JARID2: variants seen among roughly 807,000 people sequenced by gnomAD.
JARID2 encodes the protein jumonji and AT-rich interaction domain containing 2, also known as protein Jumonji.
Under a neutral mutation model 125.6 loss-of-function variants are expected in JARID2, and 21 were observed. The ratio of observed to expected loss-of-function variants is 0.17; its 90% CI spans 0.12 to 0.24. The LOEUF (loss-of-function observed/expected upper bound fraction) is 0.24. JARID2 is among the 10% of genes least tolerant of loss of function. JARID2 has a pLI of 1.00. For synonymous variants in JARID2, 736 were observed against 661.6 expected (o/e 1.11, Z -1.73); for missense variants, 1,303 against 1,639.6 (o/e 0.79, Z 3.55).
intron 4 of JARID2, 27 bp from the exon 5 acceptor site, chr6:15,468,515 T>C: frequency 6.2e-7 from 1 of 1,601,614 alleles, no homozygotes; most frequent in South Asian, 1.1e-5. Flanking sequence ...GGCCTGTGTT[T>C]ATGAGCTGTT....
chr6:15,250,147 G>A (rs2127291766), intron 1 of JARID2, among the ~76,000 whole-genome samples: 1 of 152,240 alleles, frequency 6.6e-6, no homozygotes, highest in East Asian at 1.9e-4. Flanking sequence ...AGCAGAATTT[G>A]TACCACTAGG....
chr6:15,287,321 A>C (rs1761041800), intron 1 of JARID2, among the ~76,000 whole-genome samples: 1 of 152,214 alleles, frequency 6.6e-6, no homozygotes, highest in South Asian at 2.1e-4. Context: ...GACCCATGAC[A>C]TTGAAATATA....
At chr6:15,419,924 A>G (rs914067238) in intron 3 of JARID2, among the ~76,000 whole-genome samples, 3 of 152,166 alleles carry the variant, frequency 2.0e-5, no homozygotes, top group Non-Finnish European at 4.4e-5. Context: ...TAGAGCCATT[A>G]TTATTTCAAA....
intron 3 of JARID2, among the ~76,000 whole-genome samples, chr6:15,416,242 G>C (rs887497071): frequency 1.3e-5 from 2 of 151,932 alleles, no homozygotes; most frequent in Non-Finnish European, 2.9e-5. Context: ...TGTCCCAGAC[G>C]ATGGGCGGCC....
chr6:15,258,655 G>A (rs1034323145), intron 1 of JARID2, among the ~76,000 whole-genome samples: 6 of 152,232 alleles, frequency 3.9e-5, no homozygotes, highest in East Asian at 3.9e-4. Context: ...GGTGGCAAGC[G>A]CCTGTAATCC....
intron 2 of JARID2, among the ~76,000 whole-genome samples, chr6:15,386,461 T>C (rs1423516701): frequency 6.6e-6 from 1 of 152,196 alleles, no homozygotes; most frequent in African/African-American, 2.4e-5. Context: ...AAAAGGTTCC[T>C]CCTTCTCCCT....
chr6:15,494,292 C>G (rs1770295887), intron 6 of JARID2, among the ~76,000 whole-genome samples: 1 of 152,132 alleles, frequency 6.6e-6, no homozygotes, highest in East Asian at 1.9e-4. Context: ...TAGAAATGCA[C>G]ATTCTCAGTC....
intron 5 of JARID2, among the ~76,000 whole-genome samples, chr6:15,485,392 G>A (rs1192894570): frequency 6.6e-6 from 1 of 152,208 alleles, no homozygotes; most frequent in Non-Finnish European, 1.5e-5. Context: ...TTGAAAGCAT[G>A]GGTGGTGGAA....
At position 15,496,783 on chromosome 6, in the gene JARID2, G is replaced by A. The variant is rs200722144; in HGVS notation, c.1558G>A (p.Ala520Thr). The A allele has an allele frequency of 6.3e-5, 102 of 1,612,002 alleles. No individual in the cohort carries two copies. In the East Asian group the frequency reaches 1.9e-3, roughly 30 times the overall value. Residue 520 changes from alanine to threonine, a missense_variant, in exon 7 of 18, where the codon GCC becomes ACC. By Grantham distance (58) the Ala-to-Thr change is moderately conservative. Coordinates refer to ENST00000341776, the MANE Select transcript of JARID2 (RefSeq NM_004973.4). ...GRQAHGKADS[A>T]SCENRSTSQP... is the part of the protein sequence containing the mutation. ...ACAAGCACATGGCAAGGCGGACAGC[G>A]CCTCCTGTGAAAATCGTTCTACCTC...
At chr6:15,489,856 C>G (rs953328158) in intron 6 of JARID2, among the ~76,000 whole-genome samples, 3 of 152,214 alleles carry the variant, frequency 2.0e-5, no homozygotes, top group African/African-American at 7.2e-5. Flanking sequence ...TCCTGTCACC[C>G]TTTCCCCACT....
At chr6:15,253,858 G>T (rs1463774822) in intron 1 of JARID2, among the ~76,000 whole-genome samples, 1 of 152,124 alleles carries the variant, frequency 6.6e-6, no homozygotes, top group African/African-American at 2.4e-5. Context: ...GAGAAAAGGG[G>T]TTTTTGAGTC....
chr6:15,341,782 T>C (rs943510596), intron 1 of JARID2, among the ~76,000 whole-genome samples: 8 of 152,230 alleles, frequency 5.3e-5, no homozygotes, highest in Non-Finnish European at 5.9e-5. Flanking sequence ...TCTGCATTGA[T>C]AGACTCAATA....
In JARID2 at chr6:15,520,492, C is replaced by T. The variant is rs117648702; in HGVS notation, c.*241C>T. 339 of 408,854 alleles carry T rather than the reference C, an allele frequency of 8.3e-4. 6 individuals carry two copies. The East Asian group carries it at 0.014, about 17-fold the overall frequency. 25.3% of individuals were successfully genotyped at this position (408,854 alleles called of 1,614,324 possible). On this transcript the variant is annotated 3_prime_UTR_variant, in exon 18 of 18. Transcript: ENST00000341776. Reference sequence around the variant, plus strand: ...CGTATAGTCACTGTTTTAAAAACCCCGGAGGGGCTGTATTAATTTGTATTG... The same window carrying T: ...CGTATAGTCACTGTTTTAAAAACCCTGGAGGGGCTGTATTAATTTGTATTG...
chr6:15,487,685 T>G, intron 6 of JARID2, 143 bp downstream of exon 6: 1 of 729,412 alleles, frequency 1.4e-6, no homozygotes, highest in Non-Finnish European at 2.2e-6. Flanking sequence ...GAGCGCACCT[T>G]TGCATGAGCT....
At chr6:15,359,530 G>A (rs1184436056) in intron 1 of JARID2, among the ~76,000 whole-genome samples, 9 of 152,080 alleles carry the variant, frequency 5.9e-5, no homozygotes, top group Admixed American at 5.9e-4. Flanking sequence ...GCAGGCCCTA[G>A]GCAGTGTCAC....
chr6:15,442,122 A>G (rs981289960), intron 3 of JARID2, among the ~76,000 whole-genome samples: 8 of 151,452 alleles, frequency 5.3e-5, no homozygotes, highest in South Asian at 2.1e-4. Flanking sequence ...AAAAAAAAAA[A>G]GGAAGTAAAA....
intron 10 of JARID2, 23 bp from the exon 11 acceptor site, chr6:15,507,323 G>A (rs370058109): frequency 1.6e-4 from 262 of 1,611,526 alleles, no homozygotes; most frequent in Middle Eastern, 1.2e-3. Context: ...AGTTTGTAAC[G>A]TCCCTCGTCT....
At chr6:15,501,793 T>C (rs1329182666) in intron 8 of JARID2, among the ~76,000 whole-genome samples, 1 of 152,144 alleles carries the variant, frequency 6.6e-6, no homozygotes, top group African/African-American at 2.4e-5. Flanking sequence ...TTTCATTAAC[T>C]GGCTTGCGTG....
intron 1 of JARID2, among the ~76,000 whole-genome samples, chr6:15,314,620 G>A (rs1178913493): frequency 1.3e-5 from 2 of 152,176 alleles, no homozygotes; most frequent in African/African-American, 2.4e-5. Flanking sequence ...TATAGAAGCG[G>A]ACAGAACCCT....
Sources: allele counts gnomAD v4.1 joint callset (sites outside exome capture counted in the v4.1 genomes callset), GRCh38; gene constraint gnomAD v4.1.1; transcripts MANE v1.5; gene names NCBI Gene and HGNC (gene_info 2026-07-23, HGNC 2026-07-21).